The following CLVS1 variants were observed in gnomAD, a reference collection of about 807,000 sequenced individuals.
CLVS1 encodes clavesin-1.
Under a neutral mutation model 33.1 loss-of-function variants are expected in CLVS1, and 10 were observed. The ratio of observed to expected loss-of-function variants is 0.30; its 90% CI spans 0.19 to 0.51. The LOEUF is 0.51. CLVS1 is among the 20% of genes least tolerant of loss of function. The pLI is 0.97. For missense variants in CLVS1, 343 were observed against 433.4 expected (o/e 0.79, Z 1.85); for synonymous variants, 163 against 166.1 (o/e 0.98, Z 0.14).
chr8:61,070,689 A>C (rs904417491), intron 1 of CLVS1, among the ~76,000 whole-genome samples: 2 of 152,172 alleles, frequency 1.3e-5, no homozygotes, highest in South Asian at 2.1e-4. Context: ...AAAATTAAAA[A>C]ATTATCCAGG....
At chr8:61,264,947 G>A (rs1809275661) in intron 2 of CLVS1, 3 of 152,182 alleles carry the variant, frequency 2.0e-5, no homozygotes, top group Admixed American at 2.0e-4. Context: ...ATTGTTTTAA[G>A]CTACTATTTC....
upstream of CLVS1, among the ~76,000 whole-genome samples, chr8:61,053,715 GT>G (rs1211303586): frequency 1.3e-5 from 2 of 152,042 alleles, no homozygotes; most frequent in Non-Finnish European, 2.9e-5. Flanking sequence ...AGTGATATTG[GT>G]TTAGAGATAA....
At chr8:61,204,828 C>T (rs911222602) in intron 2 of CLVS1, among the ~76,000 whole-genome samples, 4 of 152,142 alleles carry the variant, frequency 2.6e-5, no homozygotes, top group African/African-American at 9.7e-5. Context: ...AAAAAATAGG[C>T]AAAATCCATA....
chr8:61,250,271 G>T (rs1808908034), intron 2 of CLVS1, among the ~76,000 whole-genome samples: 1 of 152,020 alleles, frequency 6.6e-6, no homozygotes, highest in South Asian at 2.1e-4. Flanking sequence ...TGTTCCATTG[G>T]TCTATATCTC....
intron 3 of CLVS1, among the ~76,000 whole-genome samples, chr8:61,417,223 A>G (rs185721240): frequency 1.8e-3 from 278 of 152,304 alleles, no homozygotes; most frequent in African/African-American, 6.3e-3. Flanking sequence ...ATCTCTAAAC[A>G]TGAAATTAAG....
chr8:61,451,377 A>G (rs879814017), intron 3 of CLVS1, among the ~76,000 whole-genome samples: 33 of 152,318 alleles, frequency 2.2e-4, no homozygotes, highest in African/African-American at 6.0e-4. Context: ...AGGAAACAAA[A>G]TTAACTTAAA....
At chr8:60,972,095 G>A in the CLVS1 span, among the ~76,000 whole-genome samples, 1 of 152,082 alleles carries the variant, frequency 6.6e-6, no homozygotes, top group African/African-American at 2.4e-5. Flanking sequence ...CATGTCTGGT[G>A]TGCCTTGGCC....
chr8:61,025,008 C>T, the CLVS1 span, among the ~76,000 whole-genome samples: 5 of 151,964 alleles, frequency 3.3e-5, no homozygotes, highest in Non-Finnish European at 5.9e-5. Context: ...CCACCACGCC[C>T]GGCTAATTTT....
intron 2 of CLVS1, among the ~76,000 whole-genome samples, chr8:61,196,498 A>G (rs1160057017): frequency 6.6e-6 from 1 of 152,156 alleles, no homozygotes; most frequent in Admixed American, 6.5e-5. Flanking sequence ...AAAAAATGGA[A>G]TGTGTTTATT....
intron 5 of CLVS1, among the ~76,000 whole-genome samples, chr8:61,473,018 T>TA (rs981057328): frequency 1.3e-5 from 2 of 152,164 alleles, no homozygotes; most frequent in African/African-American, 4.8e-5. Flanking sequence ...ATGGTCACCA[T>TA]AAGTGCTTTG....
chr8:61,277,130 T>C (rs938332878), intron 2 of CLVS1, among the ~76,000 whole-genome samples: 1 of 152,210 alleles, frequency 6.6e-6, no homozygotes, highest in Non-Finnish European at 1.5e-5. Context: ...TCCACTGATA[T>C]AGCACTTAGT....
chr8:61,166,045 T>G (rs1246777140), intron 2 of CLVS1, among the ~76,000 whole-genome samples: 1 of 149,960 alleles, frequency 6.7e-6, no homozygotes, highest in African/African-American at 2.5e-5. Context: ...TTTTTTTTTT[T>G]GCCTGCCTTT....
At chr8:61,480,544 G>A (rs532340759) in intron 5 of CLVS1, among the ~76,000 whole-genome samples, 1 of 152,184 alleles carries the variant, frequency 6.6e-6, no homozygotes. Flanking sequence ...GTGAGGTGAT[G>A]CCTCACCCTG....
At chr8:61,421,552 G>T (rs1389016952) in intron 3 of CLVS1, among the ~76,000 whole-genome samples, 3 of 152,116 alleles carry the variant, frequency 2.0e-5, no homozygotes, top group Non-Finnish European at 4.4e-5. Context: ...TAACTACAAT[G>T]CCCTAGCACT....
At chr8:61,437,712 G>C (rs1483692239) in intron 3 of CLVS1, among the ~76,000 whole-genome samples, 1 of 152,162 alleles carries the variant, frequency 6.6e-6, no homozygotes, top group African/African-American at 2.4e-5. Flanking sequence ...TTCAAATCAT[G>C]ATTCTCTTGT....
chr8:61,420,697 C>T (rs774937157), intron 3 of CLVS1, among the ~76,000 whole-genome samples: 5 of 151,940 alleles, frequency 3.3e-5, no homozygotes, highest in Non-Finnish European at 7.4e-5. Context: ...CGGCCAGGCA[C>T]GGTGGTCACA....
chr8:61,015,582 A>G, the CLVS1 span, among the ~76,000 whole-genome samples: 1 of 152,206 alleles, frequency 6.6e-6, no homozygotes, highest in African/African-American at 2.4e-5. Context: ...CAGCAGCAAC[A>G]GGACAGATCT....
chr8:61,351,708 G>A, intron 2 of CLVS1, among the ~76,000 whole-genome samples: 1 of 152,030 alleles, frequency 6.6e-6, no homozygotes, highest in Non-Finnish European at 1.5e-5. Flanking sequence ...CACATCACAT[G>A]CAGAGGAACA....
the CLVS1 span, among the ~76,000 whole-genome samples, chr8:61,048,017 C>G: frequency 1.3e-5 from 2 of 152,088 alleles, no homozygotes; most frequent in African/African-American, 2.4e-5. Flanking sequence ...ATTAGAGGAA[C>G]AATTGATCCT....
Sources: gnomAD v4.1 joint callset for allele counts (sites outside exome capture counted in the v4.1 genomes callset) on GRCh38, gnomAD v4.1.1 for gene constraint, MANE v1.5 for transcripts, NCBI Gene and HGNC (gene_info 2026-07-23, HGNC 2026-07-21) for gene names.